Variants in TNFSF13B observed in about 807,000 individuals in gnomAD.
TNFSF13B encodes the protein tumor necrosis factor ligand superfamily member 13B.
Under a neutral mutation model 29.1 loss-of-function variants are expected in TNFSF13B, and 8 were observed. The observed-to-expected ratio is 0.27, with a 90% CI of 0.16 to 0.50. TNFSF13B has a LOEUF of 0.50. Among genes scored for constraint, TNFSF13B ranks in the 20% least tolerant of loss-of-function variants. The pLI, the probability that TNFSF13B is intolerant of heterozygous loss-of-function variation, is 0.98. For missense variants in TNFSF13B, 248 were observed against 334.9 expected (o/e 0.74, Z 2.03); for synonymous variants, 125 against 130.8 (o/e 0.96, Z 0.30).
rs780658075 is a variant in TNFSF13B at position 108,269,868 on chromosome 13, C to A, written c.-28C>A. The A allele has an allele frequency of 1.9e-6, 3 of 1,561,710 alleles. No homozygotes were observed. The highest frequency in any genetic ancestry group is 1.2e-5 in the South Asian group (1 of 84,484). ...TCCCTGTGGTCACTTATTCTAAAGGCCCCAACCTTCAAAGTTCAAGTAGTG... is the reference window on the plus strand; with the variant it reads ...TCCCTGTGGTCACTTATTCTAAAGGACCCAACCTTCAAAGTTCAAGTAGTG... On this transcript the variant is annotated 5_prime_UTR_variant, in exon 1 of 6. Transcript: ENST00000375887.
At chr13:108,299,477 C>CA (rs1185816941) in intron 3 of TNFSF13B, among the ~76,000 whole-genome samples, 1 of 115,882 alleles carries the variant, frequency 8.6e-6, no homozygotes, top group Non-Finnish European at 2.0e-5. Flanking sequence ...GTAATTTTTC[C>CA]AAAATACTTT....
chr13:108,305,286 G>C (rs1461667338), intron 5 of TNFSF13B, among the ~76,000 whole-genome samples: 1 of 152,070 alleles, frequency 6.6e-6, no homozygotes, highest in African/African-American at 2.4e-5. Context: ...AACCTGAAAA[G>C]ATGTAAATGG....
intron 3 of TNFSF13B, among the ~76,000 whole-genome samples, chr13:108,293,334 G>T (rs1239964466): frequency 6.6e-6 from 1 of 152,142 alleles, no homozygotes; most frequent in Non-Finnish European, 1.5e-5. Flanking sequence ...TTATGTTATA[G>T]TAAATTTTGA....
intron 5 of TNFSF13B, among the ~76,000 whole-genome samples, chr13:108,303,993 T>A (rs1003237835): frequency 6.6e-6 from 1 of 152,200 alleles, no homozygotes; most frequent in African/African-American, 2.4e-5. Flanking sequence ...GATTACCACT[T>A]GCCAGGCACT....
At chr13:108,270,542 G>T (rs1320725785) in intron 2 of TNFSF13B, 118 bp downstream of exon 2, 3 of 987,196 alleles carry the variant, frequency 3.0e-6, no homozygotes, top group Non-Finnish European at 4.5e-6. Flanking sequence ...TATGAAATTT[G>T]CCATCCAAAG....
At chr13:108,273,087 C>T (rs1046350474) in intron 2 of TNFSF13B, among the ~76,000 whole-genome samples, 1 of 152,114 alleles carries the variant, frequency 6.6e-6, no homozygotes, top group African/African-American at 2.4e-5. Context: ...CAGATTTCCA[C>T]AGCCCAGAAG....
intron 3 of TNFSF13B, among the ~76,000 whole-genome samples, chr13:108,297,005 A>G (rs1881473466): frequency 6.9e-6 from 1 of 145,650 alleles, no homozygotes; most frequent in African/African-American, 2.6e-5. Context: ...TACACTTACA[A>G]TGGCTTTTAT....
rs776927772 is a variant in TNFSF13B, at chr13:108,269,937, T to C, written c.42T>C (p.Ser14=). The C allele has an allele frequency of 5.0e-6, 8 of 1,613,404 alleles. No homozygotes were observed. The highest frequency in any genetic ancestry group is 5.1e-6 in the Non-Finnish European group (6 of 1,179,930). ...STEREQSRLT[S]CLKKREEMKL... The stretch of plus-strand genomic sequence containing the variant: ...AAAGGGAGCAGTCACGCCTTACTTC[T>C]TGCCTTAAGAAAAGAGAAGAAATGA... The change falls in exon 1 of 6, where the codon TCT becomes TCC. Residue 14 remains serine, a synonymous_variant. Coordinates refer to ENST00000375887, the MANE Select transcript of TNFSF13B (RefSeq NM_006573.5).
At chr13:108,303,017 G>T in intron 3 of TNFSF13B, 1 of 503,212 alleles carries the variant, frequency 2.0e-6, no homozygotes. Context: ...CATATAAAGG[G>T]TTAGCTCTCA....
At chr13:108,277,127 G>T (rs765652108) in intron 2 of TNFSF13B, among the ~76,000 whole-genome samples, 58 of 152,188 alleles carry the variant, frequency 3.8e-4, no homozygotes, top group Non-Finnish European at 4.4e-5. Flanking sequence ...TGCAAACACT[G>T]TGTTGGGCTC....
At chr13:108,280,913 T>A (rs1880930604) in intron 2 of TNFSF13B, among the ~76,000 whole-genome samples, 1 of 152,084 alleles carries the variant, frequency 6.6e-6, no homozygotes, top group East Asian at 1.9e-4. Context: ...AGGCCGGGCG[T>A]GGTACCTCGG....
chr13:108,270,445 CT>C (rs769726302), intron 2 of TNFSF13B, 21 bp downstream of exon 2: 4 of 1,607,960 alleles, frequency 2.5e-6, no homozygotes, highest in Non-Finnish European at 3.4e-6. Context: ...GGCACAGACA[CT>C]TTTAGGAGTC....
In TNFSF13B at chr13:108,306,804, C is replaced by T. The variant is rs542426217; in HGVS notation, c.746-22C>T. The T allele has an allele frequency of 3.8e-5, 53 of 1,384,708 alleles. 2 individuals are homozygous for T. The South Asian group carries it at 6.1e-4, about 16-fold the overall frequency. 85.8% of individuals were successfully genotyped at this position (1,384,708 alleles called of 1,614,324 possible). ...TTCTGTTGTATAACCACTTATAGTT[C>T]TTGTAAATCATTTTTTCCCAGGCAT... On this transcript the variant is annotated intron_variant, in intron 5 of 5. Transcript: ENST00000375887.
At chr13:108,287,371 T>C (rs1226657720) in intron 3 of TNFSF13B, among the ~76,000 whole-genome samples, 1 of 152,178 alleles carries the variant, frequency 6.6e-6, no homozygotes, top group Non-Finnish European at 1.5e-5. Context: ...GAATTGCATG[T>C]AAAATCAATC....
At chr13:108,293,889 G>C (rs1317315564) in intron 3 of TNFSF13B, among the ~76,000 whole-genome samples, 1 of 152,114 alleles carries the variant, frequency 6.6e-6, no homozygotes, top group Admixed American at 6.5e-5. Context: ...TTCTTATAAG[G>C]ACATTAACCC....
chr13:108,298,826 C>T (rs567025425), intron 3 of TNFSF13B, among the ~76,000 whole-genome samples: 1 of 145,236 alleles, frequency 6.9e-6, no homozygotes, highest in South Asian at 2.1e-4. Flanking sequence ...CAAAACTTAG[C>T]CCGGCGTAGT....
In TNFSF13B at chr13:108,300,808, C is replaced by T. The variant is rs148998097; in HGVS notation, c.482-2445C>T. Among the ~76,000 whole-genome samples, 130 of 152,222 alleles carry T rather than the reference C, an allele frequency of 8.5e-4. 2 individuals carry two copies. The highest frequency in any genetic ancestry group is 3.0e-3 in the African/African-American group (123 of 41,528). ...TGAGAGACAGTGACAGAGGTGGCTC[C>T]TGGGAGTGAGCAAGAAGCACAGGCC... On this transcript the variant is annotated intron_variant, in intron 3 of 5. Transcript: ENST00000375887.
intron 2 of TNFSF13B, among the ~76,000 whole-genome samples, chr13:108,271,462 AC>A (rs1880612156): frequency 6.6e-6 from 1 of 150,482 alleles, no homozygotes; most frequent in East Asian, 2.0e-4. Flanking sequence ...ACACACACAC[AC>A]ACACACACAC....
chr13:108,280,389 A>G (rs1440467072), intron 2 of TNFSF13B, among the ~76,000 whole-genome samples: 1 of 152,162 alleles, frequency 6.6e-6, no homozygotes, highest in Non-Finnish European at 1.5e-5. Flanking sequence ...ATCCAAATGG[A>G]AAGGTCCAAG....
Sources: allele counts gnomAD v4.1 joint callset (sites outside exome capture counted in the v4.1 genomes callset), GRCh38; gene constraint gnomAD v4.1.1; transcripts MANE v1.5; gene names NCBI Gene and HGNC (gene_info 2026-07-23, HGNC 2026-07-21).